Variants in CATSPERE observed in about 807,000 individuals in gnomAD.
CATSPERE encodes the protein cation channel sperm-associated auxiliary subunit epsilon.
A neutral mutation model predicts 114.1 loss-of-function variants in CATSPERE; 93 were observed. The observed-to-expected ratio is 0.81, with a 90% CI of 0.69 to 0.97. CATSPERE has a LOEUF of 0.97. Ranked by LOEUF, CATSPERE falls within the 50% of genes least tolerant of loss-of-function variation. The pLI, the probability that CATSPERE is intolerant of heterozygous loss-of-function variation, is 0.00. For synonymous variants in CATSPERE, 341 were observed against 384.1 expected (o/e 0.89, Z 1.31); for missense variants, 1,058 against 1,131.6 (o/e 0.93, Z 0.93).
At chr1:244,537,943 T>C (rs1374126943) in intron 8 of CATSPERE, among the ~76,000 whole-genome samples, 1 of 152,250 alleles carries the variant, frequency 6.6e-6, no homozygotes, top group Non-Finnish European at 1.5e-5. Flanking sequence ...TAGAGAGGTG[T>C]TGAAGTTGCA....
At chr1:244,578,907 T>G (rs1014557841) in intron 11 of CATSPERE, among the ~76,000 whole-genome samples, 3 of 150,798 alleles carry the variant, frequency 2.0e-5, no homozygotes, top group African/African-American at 7.3e-5. Context: ...TTTTTTGTTT[T>G]GTTCTGTTTT....
chr1:244,593,289 T>C, intron 15 of CATSPERE, 106 bp from the exon 16 acceptor site: 1 of 1,086,970 alleles, frequency 9.2e-7, no homozygotes, highest in Non-Finnish European at 1.4e-6. Flanking sequence ...ATAATTATAT[T>C]TATCTGTTTG....
chr1:244,552,738 G>A lies in CATSPERE; in HGVS notation c.953G>A (p.Gly318Glu). 6.2e-7 allele frequency: 1 copy of A among 1,613,304 alleles called. No individual in the cohort carries two copies. Among genetic ancestry groups the A allele is most frequent in the Non-Finnish European group, 8.5e-7 (1 of 1,179,736 alleles). Residue 318 changes from glycine (G) to glutamate (E), a missense_variant, in exon 9 of 22, where the codon GGA becomes GAA. Transcript: ENST00000366534. ...TTTCGTGGATTTATAAGACTGGGAG[G>A]AATTGTAAATCTTCCTGATGGTGGA... ...KSFRGFIRLG[G>E]IVNLPDGGIT...
At chr1:244,473,576 G>A (rs1232657802) in intron 2 of CATSPERE, among the ~76,000 whole-genome samples, 1 of 152,014 alleles carries the variant, frequency 6.6e-6, no homozygotes, top group South Asian at 2.1e-4. Context: ...TCTCTTAACA[G>A]TGTCTTTTAC....
At chr1:244,477,776 A>G in intron 3 of CATSPERE, 130 bp from the exon 4 acceptor site, 1 of 946,764 alleles carries the variant, frequency 1.1e-6, no homozygotes, top group Non-Finnish European at 1.6e-6. Flanking sequence ...TAGAAGTAAA[A>G]TATTGCAAAT....
chr1:244,527,974 CT>C (rs1367564513), intron 8 of CATSPERE, among the ~76,000 whole-genome samples: 2 of 152,144 alleles, frequency 1.3e-5, no homozygotes, highest in African/African-American at 4.8e-5. Context: ...TTCTCTTCAA[CT>C]TTTAAGTTCA....
intron 9 of CATSPERE, 114 bp from the exon 10 acceptor site, chr1:244,560,554 A>G (rs1487298310): frequency 1.7e-6 from 1 of 580,922 alleles, no homozygotes; most frequent in Non-Finnish European, 2.6e-6. Context: ...CCAAAAACCT[A>G]TTGAAAGAAA....
At chr1:244,549,967 A>G (rs1660352924) in intron 8 of CATSPERE, among the ~76,000 whole-genome samples, 1 of 152,200 alleles carries the variant, frequency 6.6e-6, no homozygotes, top group African/African-American at 2.4e-5. Context: ...AGAAGAGCGA[A>G]TGCACGCTGT....
Position 244,504,333 on chromosome 1 carries a change from A to G in CATSPERE, c.429+5254A>G, listed in dbSNP as rs1674503139. Reference sequence around the variant, plus strand: ...TCTTTTAGAACAGTTTTAGTTTTCCAGAATTATTACAAAGATAGTACAAGG... The same window carrying G: ...TCTTTTAGAACAGTTTTAGTTTTCCGGAATTATTACAAAGATAGTACAAGG... On this transcript the variant is annotated intron_variant, in intron 7 of 21. Transcript: ENST00000366534. This position sits in a 1 kb window ranked among gnomAD's most constrained non-coding sequence, Gnocchi z 4.1. Among the ~76,000 whole-genome samples, 1 of 152,234 alleles carries G rather than the reference A, an allele frequency of 6.6e-6. No homozygotes were observed. Among genetic ancestry groups the G allele is most frequent in the South Asian group, 2.1e-4 (1 of 4,836 alleles).
chr1:244,470,889 T>C (rs1019717731), intron 2 of CATSPERE, among the ~76,000 whole-genome samples: 8 of 152,228 alleles, frequency 5.3e-5, no homozygotes. Flanking sequence ...GAAAACATTA[T>C]GCTAAGTGCA....
intron 5 of CATSPERE, among the ~76,000 whole-genome samples, chr1:244,482,437 C>CA (rs893869160): frequency 6.6e-6 from 1 of 151,606 alleles, no homozygotes; most frequent in Non-Finnish European, 1.5e-5. Flanking sequence ...CTTGTCTCTA[C>CA]AAAAAACGTT....
At chr1:244,506,840 A>T (rs1321596234) in intron 7 of CATSPERE, among the ~76,000 whole-genome samples, 1 of 152,152 alleles carries the variant, frequency 6.6e-6, no homozygotes, top group Non-Finnish European at 1.5e-5. Context: ...CTACTATGCT[A>T]TCAAACACTA....
At chr1:244,566,274 G>T (rs1487179837) in intron 10 of CATSPERE, among the ~76,000 whole-genome samples, 1 of 152,170 alleles carries the variant, frequency 6.6e-6, no homozygotes, top group African/African-American at 2.4e-5. Context: ...TAAGTTTGAT[G>T]TGGTGCTGAG....
At chr1:244,547,543 G>A (rs1490691147) in intron 8 of CATSPERE, among the ~76,000 whole-genome samples, 1 of 150,184 alleles carries the variant, frequency 6.7e-6, no homozygotes, top group Non-Finnish European at 1.5e-5. Flanking sequence ...GATGTAAATT[G>A]TAAATTGTGA....
chr1:244,494,378 C>G (rs1175198583), intron 6 of CATSPERE, among the ~76,000 whole-genome samples: 1 of 144,822 alleles, frequency 6.9e-6, no homozygotes, highest in East Asian at 2.0e-4. Flanking sequence ...CGCATATTCT[C>G]ACTCATAGGT....
At chr1:244,499,352 T>C (rs1673636891) in intron 7 of CATSPERE, among the ~76,000 whole-genome samples, 1 of 152,162 alleles carries the variant, frequency 6.6e-6, no homozygotes, top group Non-Finnish European at 1.5e-5. Context: ...TTACTCTAAG[T>C]TCAGAGATAT....
chr1:244,452,037 C>T (rs535116031), upstream of CATSPERE: 6 of 397,294 alleles, frequency 1.5e-5, no homozygotes, highest in East Asian at 2.3e-4. Context: ...AGGCCGGCCT[C>T]GGCAGCACCG....
chr1:244,556,723 A>T (rs555818131), intron 9 of CATSPERE, among the ~76,000 whole-genome samples: 1 of 152,350 alleles, frequency 6.6e-6, no homozygotes, highest in African/African-American at 2.4e-5. Flanking sequence ...TTTAATAACT[A>T]GTACAATTTC....
At chr1:244,481,980 G>A (rs1413838253) in intron 5 of CATSPERE, among the ~76,000 whole-genome samples, 1 of 152,160 alleles carries the variant, frequency 6.6e-6, no homozygotes, top group Non-Finnish European at 1.5e-5. Flanking sequence ...CTAAGAGCTA[G>A]GGCTGAAAGA....
Sources: gnomAD v4.1 joint callset for allele counts (sites outside exome capture counted in the v4.1 genomes callset) on GRCh38, gnomAD v4.1.1 for gene constraint, Gnocchi (gnomAD v3.1) non-coding constraint, MANE v1.5 for transcripts, NCBI Gene and HGNC (gene_info 2026-07-23, HGNC 2026-07-21) for gene names.